NDST4: variants seen among roughly 807,000 people sequenced by gnomAD.
The protein encoded by NDST4 is N-deacetylase and N-sulfotransferase 4.
Under a neutral mutation model 100.8 loss-of-function variants are expected in NDST4, and 63 were observed. The observed-to-expected ratio is 0.62, with a 90% CI of 0.51 to 0.77. The LOEUF (loss-of-function observed/expected upper bound fraction) is 0.77, where lower values mean the gene tolerates loss of function less well. NDST4 is among the 30% of genes least tolerant of loss of function. The pLI is 0.00. For synonymous variants in NDST4, 377 were observed against 361.8 expected (o/e 1.04, Z -0.48); for missense variants, 943 against 1,018.4 (o/e 0.93, Z 1.01).
intron 10 of NDST4, 133 bp from the exon 11 acceptor site, chr4:114,839,681 AAAT>A (rs1216477388): frequency 1.7e-6 from 1 of 601,116 alleles, no homozygotes; most frequent in Non-Finnish European, 2.8e-6. Flanking sequence ...TTATGTCACA[AAAT>A]AATAACAAAT....
At position 114,986,822 on chromosome 4, in the gene NDST4, A is replaced by G. The variant is rs1256613143; in HGVS notation, c.979-9548T>C. ...TATATATATATATATATATATATAT[A>G]TATATATATATTTTAATATACTATT... is the stretch of plus-strand genomic sequence containing the variant. On this transcript the variant is annotated intron_variant, in intron 2 of 13. Coordinates refer to ENST00000264363, the MANE Select transcript of NDST4 (RefSeq NM_022569.3). Among the ~76,000 whole-genome samples, 17 of 72,542 alleles carry G rather than the reference A, an allele frequency of 2.3e-4. 1 individual carries two copies. Among genetic ancestry groups the G allele is most frequent in the African/African-American group, 7.5e-4 (17 of 22,698 alleles). The allele number at this position is 72,542 out of a possible 152,430, so 47.6% of individuals were successfully genotyped here.
intron 1 of NDST4, among the ~76,000 whole-genome samples, chr4:115,111,019 C>G (rs1729942109): frequency 6.6e-6 from 1 of 152,052 alleles, no homozygotes; most frequent in Middle Eastern, 3.4e-3. Context: ...GCAGCACCAG[C>G]CAGAATCTTC....
chr4:114,906,377 T>A (rs1724948888), intron 6 of NDST4, among the ~76,000 whole-genome samples: 1 of 136,976 alleles, frequency 7.3e-6, no homozygotes, highest in Admixed American at 6.9e-5. Context: ...TCTAGCGGCA[T>A]TTTTTTTTGT....
At position 114,941,759 on chromosome 4, in the gene NDST4, G is replaced by A. The variant is rs77563326; in HGVS notation, c.1222-4256C>T. 1.6e-4 allele frequency among the ~76,000 whole-genome samples: 25 copies of A among 152,290 alleles called. No homozygotes were observed. The East Asian group carries it at 4.8e-3, about 29-fold the overall frequency. On this transcript the variant is annotated intron_variant, in intron 4 of 13. Coordinates refer to ENST00000264363, the MANE Select transcript of NDST4 (RefSeq NM_022569.3). ...GAGCCAGTTCTATATGGTTCTGAGA[G>A]TCCCTGCAGGAGTACAGCGTACAAT...
intron 2 of NDST4, among the ~76,000 whole-genome samples, chr4:115,031,472 A>G (rs773969945): frequency 1.3e-5 from 2 of 152,066 alleles, no homozygotes; most frequent in Non-Finnish European, 2.9e-5. Flanking sequence ...TCTGGTGTAG[A>G]GTACTGCCTG....
intron 2 of NDST4, among the ~76,000 whole-genome samples, chr4:115,029,418 G>T (rs987307904): frequency 1.4e-4 from 22 of 152,084 alleles, no homozygotes; most frequent in African/African-American, 4.8e-4. Flanking sequence ...TTAGGGAATA[G>T]ATTTATGATT....
chr4:115,018,957 G>A (rs1482056159), intron 2 of NDST4, among the ~76,000 whole-genome samples: 1 of 151,890 alleles, frequency 6.6e-6, no homozygotes, highest in South Asian at 2.1e-4. Flanking sequence ...AATTTTTATA[G>A]GTAATAATTA....
At chr4:115,104,707 G>T (rs529888559) in intron 1 of NDST4, among the ~76,000 whole-genome samples, 1 of 152,086 alleles carries the variant, frequency 6.6e-6, no homozygotes, top group East Asian at 1.9e-4. Flanking sequence ...GATCCTTTAA[G>T]TTAGATTCAA....
chr4:114,878,878 T>C lies in NDST4; in HGVS notation c.1537-7928A>G, dbSNP rs546940151. ...TGTAAGCAAAGCCAGTGTTTCTTTG[T>C]TCCTCTGCTATCGTCTGTATATACC... On this transcript the variant is annotated intron_variant, in intron 6 of 13. Coordinates refer to ENST00000264363, the MANE Select transcript of NDST4 (RefSeq NM_022569.3). Among the ~76,000 whole-genome samples, 217 of 152,178 alleles carry C rather than the reference T, an allele frequency of 1.4e-3. 1 individual carries two copies. The highest frequency in any genetic ancestry group is 3.4e-3 in the Middle Eastern group (1 of 294).
chr4:114,918,164 A>G (rs1399663461), intron 6 of NDST4, among the ~76,000 whole-genome samples: 2 of 152,100 alleles, frequency 1.3e-5, no homozygotes, highest in African/African-American at 4.8e-5. Context: ...TCTTTAAGTC[A>G]AACTTGTGCC....
At chr4:114,857,980 T>C (rs979159600) in intron 7 of NDST4, among the ~76,000 whole-genome samples, 1 of 151,998 alleles carries the variant, frequency 6.6e-6, no homozygotes, top group African/African-American at 2.4e-5. Flanking sequence ...AGCAGTATGA[T>C]TCAGCCAGGT....
chr4:115,077,754 C>T (rs1272252393), intron 1 of NDST4, among the ~76,000 whole-genome samples: 1 of 152,120 alleles, frequency 6.6e-6, no homozygotes. Context: ...ATAAATCTGT[C>T]TTAAGTTTAG....
At chr4:114,829,682 A>C in intron 13 of NDST4, 108 bp downstream of exon 13, 1 of 669,678 alleles carries the variant, frequency 1.5e-6, no homozygotes, top group Non-Finnish European at 2.5e-6. Flanking sequence ...AAAATTATTA[A>C]TTGCAAAGGA....
chr4:114,839,399 T>TA lies in NDST4; in HGVS notation c.2264dup (p.Thr756AsnfsTer12). The TA allele has an allele frequency of 1.2e-6, 2 of 1,611,808 alleles. No homozygotes were observed. Among genetic ancestry groups the TA allele is most frequent in the Non-Finnish European group, 1.7e-6 (2 of 1,178,650 alleles). On this transcript the variant is annotated frameshift_variant, in exon 11 of 14. Coordinates refer to ENST00000264363, the MANE Select transcript of NDST4 (RefSeq NM_022569.3). LOFTEE classifies it high-confidence loss of function. The stretch of plus-strand genomic sequence containing the variant: ...TTACCTGAGAAGTAGCAAAGTAAGT[T>TA]AGCCATCTTTCTATGTGGACTGCAT...
At chr4:114,929,488 G>A (rs1725467974) in intron 6 of NDST4, among the ~76,000 whole-genome samples, 3 of 152,036 alleles carry the variant, frequency 2.0e-5, no homozygotes, top group Admixed American at 2.0e-4. Flanking sequence ...TGCTGTGTCT[G>A]TCCTGGTCTC....
intron 6 of NDST4, among the ~76,000 whole-genome samples, chr4:114,871,207 C>T (rs1015581333): frequency 1.3e-5 from 2 of 152,098 alleles, no homozygotes; most frequent in African/African-American, 4.8e-5. Flanking sequence ...ATCAGTTTTG[C>T]TTATTGTGGA....
At chr4:115,102,214 G>A (rs551528631) in intron 1 of NDST4, among the ~76,000 whole-genome samples, 8 of 152,118 alleles carry the variant, frequency 5.3e-5, no homozygotes, top group African/African-American at 1.4e-4. Context: ...TGCCTCAGAA[G>A]ACAATCATGG....
At chr4:115,027,368 A>G (rs775665599) in intron 2 of NDST4, among the ~76,000 whole-genome samples, 2 of 152,136 alleles carry the variant, frequency 1.3e-5, no homozygotes, top group Non-Finnish European at 2.9e-5. Flanking sequence ...TCTGGGTGAG[A>G]TCATTGTATC....
At chr4:115,060,695 A>T (rs1183539082) in intron 2 of NDST4, among the ~76,000 whole-genome samples, 1 of 151,986 alleles carries the variant, frequency 6.6e-6, no homozygotes, top group African/African-American at 2.4e-5. Context: ...TGTAATAATG[A>T]TACCTTTTTT....
Sources: gnomAD v4.1 joint callset for allele counts (sites outside exome capture counted in the v4.1 genomes callset) on GRCh38, gnomAD v4.1.1 for gene constraint, MANE v1.5 for transcripts, NCBI Gene and HGNC (gene_info 2026-07-23, HGNC 2026-07-21) for gene names.